Variants in TMCC3 observed in about 807,000 individuals in gnomAD.
TMCC3 encodes transmembrane and coiled-coil domain protein 3.
A neutral mutation model predicts 40.2 loss-of-function variants in TMCC3; 28 were observed. The observed-to-expected ratio is 0.70, with a 90% CI of 0.52 to 0.95. The LOEUF is 0.95. Ranked by LOEUF, TMCC3 falls within the 40% of genes least tolerant of loss-of-function variation. The pLI, the probability that TMCC3 is intolerant of heterozygous loss-of-function variation, is 0.00. For missense variants in TMCC3, 554 were observed against 615.2 expected (o/e 0.90, Z 1.05); for synonymous variants, 255 against 248.5 (o/e 1.03, Z -0.25).
chr12:94,571,916 A>G (rs947271882), intron 3 of TMCC3, among the ~76,000 whole-genome samples, 179 bp from the exon 4 acceptor site: 1 of 152,220 alleles, frequency 6.6e-6, no homozygotes, highest in Non-Finnish European at 1.5e-5. Context: ...TCCCAGGCTC[A>G]TTTTCTCCTG....
intron 1 of TMCC3, among the ~76,000 whole-genome samples, chr12:94,605,344 C>T (rs1283006027): frequency 6.6e-6 from 1 of 152,190 alleles, no homozygotes; most frequent in Non-Finnish European, 1.5e-5. Flanking sequence ...AAATACAGCA[C>T]TGTGACTATA....
intron 1 of TMCC3, among the ~76,000 whole-genome samples, chr12:94,591,474 A>T (rs1200135548): frequency 6.6e-6 from 1 of 151,740 alleles, no homozygotes; most frequent in African/African-American, 2.4e-5. Flanking sequence ...TATAAGATAC[A>T]GTGGCTGGAT....
intron 1 of TMCC3, among the ~76,000 whole-genome samples, chr12:94,639,850 C>T (rs1159396586): frequency 6.6e-6 from 1 of 151,298 alleles, no homozygotes; most frequent in Admixed American, 6.6e-5. Context: ...GATCTGGGTT[C>T]CTGTTGGCCA....
chr12:94,605,144 C>T (rs1473351865), intron 1 of TMCC3, among the ~76,000 whole-genome samples: 1 of 152,162 alleles, frequency 6.6e-6, no homozygotes, highest in Non-Finnish European at 1.5e-5. Context: ...CAACCTGCAA[C>T]AGGCTCTGCA....
intron 3 of TMCC3, among the ~76,000 whole-genome samples, chr12:94,575,557 C>T (rs866690371): frequency 4.6e-5 from 7 of 152,204 alleles, no homozygotes; most frequent in Non-Finnish European, 8.8e-5. Context: ...GTCCTCTTTA[C>T]ACTTCTGAGT....
chr12:94,583,744 T>C (rs2068621397), intron 1 of TMCC3, among the ~76,000 whole-genome samples: 1 of 152,202 alleles, frequency 6.6e-6, no homozygotes, highest in Admixed American at 6.5e-5. Context: ...GCTAGATTCA[T>C]AAACATGTAG....
At chr12:94,641,757 G>A (rs1461377076) in intron 1 of TMCC3, among the ~76,000 whole-genome samples, 3 of 152,226 alleles carry the variant, frequency 2.0e-5, no homozygotes, top group African/African-American at 4.8e-5. Context: ...TGAATTCTAA[G>A]TCAAACGCAC....
At chr12:94,572,472 G>A (rs1473544413) in intron 3 of TMCC3, among the ~76,000 whole-genome samples, 1 of 151,810 alleles carries the variant, frequency 6.6e-6, no homozygotes, top group Non-Finnish European at 1.5e-5. Flanking sequence ...CACCACGCTT[G>A]GCTAATTTTT....
At chr12:94,592,661 CAAAAAAAAAAAA>C (rs869058316) in intron 1 of TMCC3, among the ~76,000 whole-genome samples, 1 of 27,496 alleles carries the variant, frequency 3.6e-5, no homozygotes, top group East Asian at 9.8e-4. Context: ...GGCTCCATCT[CAAAAAAAAAAAA>C]AAAAAAAAAA....
At chr12:94,616,155 G>A in intron 1 of TMCC3, 1 of 927,804 alleles carries the variant, frequency 1.1e-6, no homozygotes, top group Non-Finnish European at 1.3e-6. Flanking sequence ...CAGTAATAAT[G>A]CACCGTATTC....
At position 94,571,621 on chromosome 12, in the gene TMCC3, G is replaced by A. The variant is rs544705350; in HGVS notation, c.1248C>T (p.Asn416=). 1.1e-4 allele frequency: 184 copies of A among 1,614,186 alleles called. 2 individuals are homozygous for A. The highest frequency in any genetic ancestry group is 6.3e-4 in the South Asian group (57 of 91,078). Residue 416 remains asparagine, a synonymous_variant, in exon 4 of 4, where the codon AAC becomes AAT. Coordinates refer to ENST00000261226, the MANE Select transcript of TMCC3 (RefSeq NM_020698.4). ...NAKVLLGRCI[N]VILAFMTVIL... The stretch of plus-strand genomic sequence containing the variant: ...TGACAGTCATGAAGGCCAGGATCAC[G>A]TTGATGCACCTCCCCAGGAGAACTT...
chr12:94,604,497 G>A (rs1196364504), intron 1 of TMCC3, among the ~76,000 whole-genome samples: 2 of 151,838 alleles, frequency 1.3e-5, no homozygotes, highest in Non-Finnish European at 2.9e-5. Flanking sequence ...GGGGCAGGGA[G>A]GCGTACAGAA....
intron 1 of TMCC3, among the ~76,000 whole-genome samples, chr12:94,638,244 T>C (rs1445694739): frequency 6.6e-6 from 1 of 152,282 alleles, no homozygotes; most frequent in South Asian, 2.1e-4. Context: ...TGTCTTAAGG[T>C]ATCTCAACTT....
chr12:94,568,571 AG>A lies in TMCC3; in HGVS notation c.*2863del. The A allele has an allele frequency of 6.6e-6, 1 of 152,336 alleles. No homozygotes were observed. Among genetic ancestry groups the A allele is most frequent in the East Asian group, 1.9e-4 (1 of 5,194 alleles). 9.4% of individuals were successfully genotyped at this position (152,336 alleles called of 1,614,324 possible). A position where few individuals can be genotyped will look rare whatever the true frequency, so the allele number is the denominator to read the frequency against. On this transcript the variant is annotated 3_prime_UTR_variant, in exon 4 of 4. Transcript: ENST00000261226. ...AATATCCAATTCCAGCATATGTTAC[AG>A]CTACATCACTATTTTTAATTGTAAT...
chr12:94,591,377 C>T (rs1431618569), intron 1 of TMCC3, among the ~76,000 whole-genome samples: 2 of 150,888 alleles, frequency 1.3e-5, no homozygotes, highest in East Asian at 3.9e-4. Context: ...ACTTGTTTTG[C>T]TCTGTTATCC....
chr12:94,574,584 T>C (rs2068553008), intron 3 of TMCC3, among the ~76,000 whole-genome samples: 1 of 152,210 alleles, frequency 6.6e-6, no homozygotes. Context: ...TTGATTTGCT[T>C]TTCTTCTGCT....
At chr12:94,579,317 G>A (rs2068586457) in intron 2 of TMCC3, among the ~76,000 whole-genome samples, 1 of 152,156 alleles carries the variant, frequency 6.6e-6, no homozygotes, top group Non-Finnish European at 1.5e-5. Flanking sequence ...GACCAGTCTG[G>A]CCAACATGGT....
chr12:94,639,989 C>T (rs552607089), intron 1 of TMCC3, among the ~76,000 whole-genome samples: 2 of 152,278 alleles, frequency 1.3e-5, no homozygotes, highest in East Asian at 1.9e-4. Flanking sequence ...GGAGATGATA[C>T]ATTAAGACCA....
intron 1 of TMCC3, among the ~76,000 whole-genome samples, chr12:94,586,705 T>G (rs895404051): frequency 6.6e-6 from 1 of 152,236 alleles, no homozygotes; most frequent in Non-Finnish European, 1.5e-5. Context: ...ATTCTGAGTC[T>G]CAAGGCAAAG....
Sources: gnomAD v4.1 joint callset for allele counts (sites outside exome capture counted in the v4.1 genomes callset) on GRCh38, gnomAD v4.1.1 for gene constraint, MANE v1.5 for transcripts, NCBI Gene and HGNC (gene_info 2026-07-23, HGNC 2026-07-21) for gene names.